MACROD2: variants seen among roughly 807,000 people sequenced by gnomAD.
MACROD2 encodes ADP-ribose glycohydrolase MACROD2.
A neutral mutation model predicts 70.4 loss-of-function variants in MACROD2; 36 were observed. The observed-to-expected ratio is 0.51, with a 90% CI of 0.39 to 0.68. MACROD2 has a LOEUF of 0.68. Ranked by LOEUF, MACROD2 falls within the 30% of genes least tolerant of loss-of-function variation. MACROD2 has a pLI of 0.00. For missense variants in MACROD2, 496 were observed against 538.4 expected, an observed-to-expected ratio of 0.92 and a Z score of 0.78; for synonymous variants, 172 against 178.8, an observed-to-expected ratio of 0.96 and a Z score of 0.30.
At chr20:14,870,328 T>C (rs1041596836) in intron 5 of MACROD2, among the ~76,000 whole-genome samples, 1 of 152,200 alleles carries the variant, frequency 6.6e-6, no homozygotes, top group African/African-American at 2.4e-5. Flanking sequence ...ATATGACACA[T>C]TATCCAGTCT....
At chr20:14,501,128 T>C (rs182238757) in intron 4 of MACROD2, among the ~76,000 whole-genome samples, 1 of 152,134 alleles carries the variant, frequency 6.6e-6, no homozygotes, top group East Asian at 1.9e-4. Flanking sequence ...ATTTTTATCA[T>C]AGTATTATCT....
chr20:15,802,620 CA>C (rs1217874030), intron 8 of MACROD2, among the ~76,000 whole-genome samples: 1 of 151,834 alleles, frequency 6.6e-6, no homozygotes, highest in Non-Finnish European at 1.5e-5. Flanking sequence ...ATTAAAAAAG[CA>C]AGAACAAACC....
At chr20:14,286,617 G>C (rs2082347075) in intron 3 of MACROD2, among the ~76,000 whole-genome samples, 1 of 152,022 alleles carries the variant, frequency 6.6e-6, no homozygotes, top group African/African-American at 2.4e-5. Flanking sequence ...AGTAGATTTT[G>C]TTTTTCTGCC....
chr20:15,024,483 G>A (rs896214997), intron 5 of MACROD2, among the ~76,000 whole-genome samples: 13 of 149,064 alleles, frequency 8.7e-5, no homozygotes, highest in Non-Finnish European at 1.5e-4. Flanking sequence ...CCTAATTTTC[G>A]AGTGATTTGT....
intron 3 of MACROD2, among the ~76,000 whole-genome samples, chr20:14,182,677 G>A (rs533086325): frequency 2.6e-5 from 4 of 152,122 alleles, no homozygotes; most frequent in Admixed American, 2.6e-4. Context: ...ATGTGATGAA[G>A]GTCCACAAAT....
intron 3 of MACROD2, among the ~76,000 whole-genome samples, chr20:14,164,300 A>G (rs2055233762): frequency 6.6e-6 from 1 of 152,100 alleles, no homozygotes. Context: ...GGGGACTGGG[A>G]TGCCAGGTGG....
chr20:15,484,265 T>A (rs1287389812), intron 7 of MACROD2, among the ~76,000 whole-genome samples: 1 of 152,018 alleles, frequency 6.6e-6, no homozygotes, highest in Non-Finnish European at 1.5e-5. Flanking sequence ...ATGTACTACG[T>A]AGAAGAAAAA....
At chr20:14,060,179 A>G (rs1177632139) in intron 2 of MACROD2, among the ~76,000 whole-genome samples, 1 of 152,212 alleles carries the variant, frequency 6.6e-6, no homozygotes, top group Non-Finnish European at 1.5e-5. Flanking sequence ...CAAAGCTGGT[A>G]GCTGGCTATT....
At chr20:15,933,740 G>T (rs531904700) in intron 11 of MACROD2, among the ~76,000 whole-genome samples, 18 of 152,316 alleles carry the variant, frequency 1.2e-4, no homozygotes, top group African/African-American at 4.3e-4. Context: ...ACAGTGAGTA[G>T]AATGTTCTTT....
Position 14,305,787 on chromosome 20 carries a change from T to C in MACROD2, c.272-187692T>C, listed in dbSNP as rs73901228. On this transcript the variant is annotated intron_variant, in intron 3 of 17. Coordinates refer to ENST00000684519, the MANE Select transcript of MACROD2 (RefSeq NM_001351661.2). ...CTTATAAAGTGCCCATGTATCTTTT[T>C]TCGTATCTCAGAAAATTGATTCTCC... 4.5e-3 allele frequency among the ~76,000 whole-genome samples: 689 copies of C among 152,258 alleles called. 7 individuals carry two copies. Among genetic ancestry groups the C allele is most frequent in the African/African-American group, 0.016 (657 of 41,574 alleles).
chr20:15,115,638 A>G (rs558143950), intron 5 of MACROD2, among the ~76,000 whole-genome samples: 1 of 152,286 alleles, frequency 6.6e-6, no homozygotes, highest in East Asian at 1.9e-4. Context: ...TAAAGATAGG[A>G]TTTTAGAATC....
At chr20:15,979,951 AG>A (rs1398631783) in intron 13 of MACROD2, among the ~76,000 whole-genome samples, 5 of 152,324 alleles carry the variant, frequency 3.3e-5, no homozygotes, top group African/African-American at 1.2e-4. Context: ...AGCATCGACA[AG>A]CTACTGCCTT....
At chr20:14,813,137 T>A (rs2072734178) in intron 5 of MACROD2, among the ~76,000 whole-genome samples, 1 of 152,022 alleles carries the variant, frequency 6.6e-6, no homozygotes, top group Non-Finnish European at 1.5e-5. Flanking sequence ...TCTGAAATAT[T>A]TTCATTGGCT....
At chr20:15,578,003 C>T (rs1226882537) in intron 8 of MACROD2, among the ~76,000 whole-genome samples, 1 of 152,176 alleles carries the variant, frequency 6.6e-6, no homozygotes, top group Non-Finnish European at 1.5e-5. Flanking sequence ...TCTCTGATGA[C>T]TATTTTTGGG....
chr20:14,091,867 A>G (rs2054155087), intron 3 of MACROD2, among the ~76,000 whole-genome samples: 2 of 152,056 alleles, frequency 1.3e-5, no homozygotes, highest in South Asian at 4.1e-4. Context: ...TCTTTTCAGT[A>G]TTTTGCTGTT....
At chr20:15,914,677 C>T (rs1033278298) in intron 10 of MACROD2, among the ~76,000 whole-genome samples, 28 of 152,136 alleles carry the variant, frequency 1.8e-4, no homozygotes, top group African/African-American at 2.4e-5. Flanking sequence ...TCTCCAGACA[C>T]CAATTAGTTG....
rs750986190 is a variant in MACROD2 at position 14,585,706 on chromosome 20, A to G, written c.301+92198A>G. On this transcript the variant is annotated intron_variant, in intron 4 of 17. Transcript: ENST00000684519. The stretch of plus-strand genomic sequence containing the variant: ...GATTAAATATGTAAGGTGTTCCTAT[A>G]CCAAAGATGGAATCATTTTAAACCT... Among the ~76,000 whole-genome samples the G allele has an allele frequency of 4.1e-4, 63 of 152,162 alleles. 1 individual carries two copies. The highest frequency in any genetic ancestry group is 2.6e-3 in the Admixed American group (40 of 15,262).
chr20:15,663,443 C>G (rs972467763), intron 8 of MACROD2, among the ~76,000 whole-genome samples: 1 of 151,962 alleles, frequency 6.6e-6, no homozygotes, highest in Admixed American at 6.6e-5. Flanking sequence ...ACCATGTTGC[C>G]TAGGCTGGTC....
intron 5 of MACROD2, among the ~76,000 whole-genome samples, chr20:14,990,120 G>A (rs1354824299): frequency 6.6e-6 from 1 of 151,946 alleles, no homozygotes; most frequent in Non-Finnish European, 1.5e-5. Flanking sequence ...AGCTGGCCTG[G>A]CATTTCACTT....
Sources: gnomAD v4.1 joint callset for allele counts (sites outside exome capture counted in the v4.1 genomes callset) on GRCh38, gnomAD v4.1.1 for gene constraint, MANE v1.5 for transcripts, NCBI Gene and HGNC (gene_info 2026-07-23, HGNC 2026-07-21) for gene names.